Variants in DCAF6 observed in about 807,000 individuals in gnomAD.
DCAF6 encodes the protein DDB1 and CUL4 associated factor 6, also known as DDB1- and CUL4-associated factor 6.
A neutral mutation model predicts 125.1 loss-of-function variants in DCAF6; 54 were observed. The ratio of observed to expected loss-of-function variants is 0.43; its 90% CI spans 0.35 to 0.54. The LOEUF (loss-of-function observed/expected upper bound fraction) is 0.54, where lower values mean the gene tolerates loss of function less well. Ranked by LOEUF, DCAF6 falls within the 20% of genes least tolerant of loss-of-function variation. The pLI is 0.01. For synonymous variants in DCAF6, 371 were observed against 390.4 expected (o/e 0.95, Z 0.58); for missense variants, 934 against 1,161.7 (o/e 0.80, Z 2.85).
At chr1:168,055,194 C>T (rs1197425932) in intron 17 of DCAF6, among the ~76,000 whole-genome samples, 4 of 151,898 alleles carry the variant, frequency 2.6e-5, no homozygotes, top group African/African-American at 4.8e-5. Flanking sequence ...TTTATAGCTA[C>T]TATGAAAGTA....
chr1:167,910,694 C>T, the DCAF6 span, among the ~76,000 whole-genome samples: 7 of 152,128 alleles, frequency 4.6e-5, no homozygotes, highest in African/African-American at 9.7e-5. Context: ...CAGTATGTTC[C>T]GTAGGCATGG....
At chr1:167,933,458 TGCCTGGCTAA>T (rs1391697813), upstream of DCAF6, among the ~76,000 whole-genome samples, 12 of 152,168 alleles carry the variant, frequency 7.9e-5, no homozygotes. Context: ...TGAGCCACCG[TGCCTGGCTAA>T]AAACACATTC....
At chr1:167,880,691 G>A in the DCAF6 span, 28 of 1,065,616 alleles carry the variant, frequency 2.6e-5, no homozygotes, top group Admixed American at 4.1e-4. Context: ...ACAGAGAGCC[G>A]GCGGCAATTT....
At chr1:168,002,163 A>G (rs1682739443) in intron 7 of DCAF6, among the ~76,000 whole-genome samples, 1 of 152,194 alleles carries the variant, frequency 6.6e-6, no homozygotes, top group Admixed American at 6.5e-5. Context: ...CAAGATGGTT[A>G]AAAATATCTT....
intron 18 of DCAF6, chr1:168,064,079 A>ATTTTTTTTTTTTTTTTTTTTTTGTTTT (rs11295034): frequency 1.1e-5 from 1 of 92,444 alleles, no homozygotes; most frequent in Non-Finnish European, 2.1e-5. Context: ...TTTCTGGTGG[A>ATTTTTTTTTTTTTTTTTTTTTTGTTTT]TTTTTTTTTT....
intron 21 of DCAF6, among the ~76,000 whole-genome samples, chr1:168,071,661 T>C (rs1051919990): frequency 6.6e-5 from 10 of 152,098 alleles, no homozygotes; most frequent in African/African-American, 2.4e-4. Context: ...GGCAGTGGGC[T>C]GTATTTGCCT....
intron 4 of DCAF6, among the ~76,000 whole-genome samples, chr1:167,976,565 A>G (rs1678210247): frequency 1.3e-5 from 2 of 152,212 alleles, no homozygotes; most frequent in Admixed American, 1.3e-4. Context: ...TCTAAGATAG[A>G]CATTCATTTT....
At chr1:167,904,846 C>T in the DCAF6 span, 8 of 1,022,578 alleles carry the variant, frequency 7.8e-6, no homozygotes, top group Middle Eastern at 4.2e-4. Flanking sequence ...CTATTTCCTC[C>T]CTCTTGTGTT....
At chr1:167,904,943 C>T in the DCAF6 span, 60 of 1,613,482 alleles carry the variant, frequency 3.7e-5, no homozygotes, top group East Asian at 5.3e-4. Context: ...TGAATTCCCA[C>T]GCGAGCCTGT....
intron 9 of DCAF6, 94 bp from the exon 10 acceptor site, chr1:168,004,439 T>A (rs374831352): frequency 3.1e-6 from 4 of 1,281,934 alleles, no homozygotes; most frequent in Admixed American, 2.0e-5. Context: ...TTTGTGTGTG[T>A]AAATATAAAT....
At chr1:168,041,894 G>GCACACACACA (rs869267755) in intron 13 of DCAF6, among the ~76,000 whole-genome samples, 82 of 54,442 alleles carry the variant, frequency 1.5e-3, no homozygotes, top group African/African-American at 6.5e-3. Context: ...TGTTTGTCGC[G>GCACACACACA]CACACACACA....
At chr1:167,920,505 T>G in the DCAF6 span, 1 of 1,592,212 alleles carries the variant, frequency 6.3e-7, no homozygotes. Context: ...CAAAAATCAT[T>G]TATGTTCTAC....
At chr1:167,939,209 A>G (rs1232138727) in intron 1 of DCAF6, among the ~76,000 whole-genome samples, 2 of 152,174 alleles carry the variant, frequency 1.3e-5, no homozygotes, top group Non-Finnish European at 2.9e-5. Flanking sequence ...AGGAAGCAGC[A>G]AAATCCACAT....
At chr1:168,059,821 A>AT (rs1035181596) in intron 17 of DCAF6, among the ~76,000 whole-genome samples, 8 of 151,518 alleles carry the variant, frequency 5.3e-5, no homozygotes, top group Middle Eastern at 3.4e-3. Context: ...TATTTTTGTG[A>AT]TTTTTTTGTG....
Position 168,002,136 on chromosome 1 carries a change from A to G in DCAF6, c.904-346A>G, listed in dbSNP as rs559917464. ...TTAACTAGACTATATTTATCATCAC[A>G]ATAGAAAACTAAGGCTCAAGATGGT... is the stretch of plus-strand genomic sequence containing the variant. On this transcript the variant is annotated intron_variant, in intron 7 of 21. Transcript: ENST00000367840. Among the ~76,000 whole-genome samples the G allele has an allele frequency of 5.9e-5, 9 of 152,318 alleles. No individual in the cohort carries two copies. In the South Asian group the frequency reaches 1.9e-3, roughly 32 times the overall value.
intron 2 of DCAF6, among the ~76,000 whole-genome samples, chr1:167,963,388 TC>T (rs1425556092): frequency 3.9e-5 from 6 of 151,992 alleles, no homozygotes; most frequent in Non-Finnish European, 5.9e-5. Context: ...TGTTCCTTGT[TC>T]CTATTTTTGT....
chr1:167,882,061 T>G, the DCAF6 span, among the ~76,000 whole-genome samples: 1 of 152,200 alleles, frequency 6.6e-6, no homozygotes, highest in Admixed American at 6.5e-5. Flanking sequence ...AATTAGTGAG[T>G]GAGTGGATGT....
At chr1:167,910,128 C>A in the DCAF6 span, among the ~76,000 whole-genome samples, 5 of 152,186 alleles carry the variant, frequency 3.3e-5, no homozygotes, top group African/African-American at 1.2e-4. Flanking sequence ...CGAATAAAGC[C>A]TCTTCCTTCT....
intron 1 of DCAF6, among the ~76,000 whole-genome samples, chr1:167,937,482 C>T (rs1571543230): frequency 6.6e-6 from 1 of 152,258 alleles, no homozygotes; most frequent in South Asian, 2.1e-4. Context: ...CTTCACGCTC[C>T]AGACAGAATC....
Sources: gnomAD v4.1 joint callset for allele counts (sites outside exome capture counted in the v4.1 genomes callset) on GRCh38, gnomAD v4.1.1 for gene constraint, MANE v1.5 for transcripts, NCBI Gene and HGNC (gene_info 2026-07-23, HGNC 2026-07-21) for gene names.